The following SLC6A6 variants were observed in gnomAD, a reference collection of about 807,000 sequenced individuals.
SLC6A6 encodes the protein sodium- and chloride-dependent taurine transporter.
A neutral mutation model predicts 68.8 loss-of-function variants in SLC6A6; 16 were observed. That is an observed-to-expected ratio of 0.23 (90% confidence interval 0.16 to 0.35). SLC6A6 has a LOEUF of 0.35. SLC6A6 is among the 10% of genes least tolerant of loss of function. The pLI is 1.00. For missense variants in SLC6A6, 474 were observed against 802.8 expected (o/e 0.59, Z 4.95); for synonymous variants, 312 against 315.4 (o/e 0.99, Z 0.12).
chr3:14,470,124 T>C, intron 9 of SLC6A6, among the ~76,000 whole-genome samples: 1 of 152,170 alleles, frequency 6.6e-6, no homozygotes. Context: ...ATGGAGTGAA[T>C]TTGGCAATGG....
rs150087099 is a variant in SLC6A6 at position 14,470,221 on chromosome 3, T to A, written c.1097-1984T>A. On this transcript the variant is annotated intron_variant, in intron 9 of 14. Transcript: ENST00000622186. ...CACATATATTGTCAATCTCAGTTGTTTTTTCCTCCCGTCCACTTCAAACAC... is the reference window on the plus strand; with the variant it reads ...CACATATATTGTCAATCTCAGTTGTATTTTCCTCCCGTCCACTTCAAACAC... 2.1e-4 allele frequency among the ~76,000 whole-genome samples: 31 copies of A among 150,488 alleles called. No individual in the cohort carries two copies. In the East Asian group the frequency reaches 4.6e-3, roughly 22 times the overall value.
In SLC6A6 at chr3:14,488,881, T is replaced by C. The variant is rs1233681301; in HGVS notation, c.*3874T>C. Reference sequence around the variant, plus strand: ...CCGAGGGATGGAGCATCCTGTTATATATTTGACTTCAAATTGAGATGTTGG... The same window carrying C: ...CCGAGGGATGGAGCATCCTGTTATACATTTGACTTCAAATTGAGATGTTGG... On this transcript the variant is annotated 3_prime_UTR_variant, in exon 15 of 15. Transcript: ENST00000622186. 6.6e-6 allele frequency: 1 copy of C among 152,654 alleles called. No homozygotes were observed. The highest frequency in any genetic ancestry group is 6.5e-5 in the Admixed American group (1 of 15,286). The allele number at this position is 152,654 out of a possible 1,614,324, so 9.5% of individuals were successfully genotyped here.
At position 14,466,804 on chromosome 3, in the gene SLC6A6, G is replaced by A. The variant is rs566279073; in HGVS notation, c.867+154G>A. On this transcript the variant is annotated intron_variant, in intron 7 of 14. Transcript: ENST00000622186. The stretch of plus-strand genomic sequence containing the variant: ...CACCGCCCCCTGGTACTTTTCCACC[G>A]GGCCTGTGGCGGGTGTGCCTGTCCA... 2.6e-5 allele frequency among the ~76,000 whole-genome samples: 4 copies of A among 152,296 alleles called. 1 individual carries two copies. The highest frequency in any genetic ancestry group is 4.1e-4 in the South Asian group (2 of 4,828).
Position 14,468,183 on chromosome 3 carries a change from G to A in SLC6A6, c.1067G>A (p.Gly356Glu), listed in dbSNP as rs757420710. 1 of 1,613,980 alleles carries A rather than the reference G, an allele frequency of 6.2e-7. No individual in the cohort carries two copies. Among genetic ancestry groups the A allele is most frequent in the Non-Finnish European group, 8.5e-7 (1 of 1,180,002 alleles). The change falls in exon 9 of 15, where the codon GGG becomes GAG. Residue 356 changes from glycine to glutamate, a missense_variant. Coordinates refer to ENST00000622186, the MANE Select transcript of SLC6A6 (RefSeq NM_003043.6). This position sits in a 1 kb window ranked among gnomAD's most constrained non-coding sequence, Gnocchi z 4.5. Reference protein sequence around the residue: ...SILGFMAQEQGVDIADVAESG... With the variant: ...SILGFMAQEQEVDIADVAESG... ...CTGGGCTTCATGGCACAAGAGCAAG[G>A]GGTGGACATTGCTGATGTGGCTGAG... is the stretch of plus-strand genomic sequence containing the variant.
rs558953127 is a variant in SLC6A6, at chr3:14,450,809, A to G, written c.599+2993A>G. Among the ~76,000 whole-genome samples the G allele has an allele frequency of 2.0e-5, 3 of 152,356 alleles. No individual in the cohort carries two copies. In the South Asian group the frequency reaches 6.2e-4, roughly 32 times the overall value. On this transcript the variant is annotated intron_variant, in intron 5 of 14. Coordinates refer to ENST00000622186, the MANE Select transcript of SLC6A6 (RefSeq NM_003043.6). This position sits in a 1 kb window ranked among gnomAD's most constrained non-coding sequence, Gnocchi z 4.1. The stretch of plus-strand genomic sequence containing the variant: ...GAGCCTTCTCTTTTCTTGGCATGCA[A>G]TGGTGGAAAGGCAAGAGAACCAGTA...
At chr3:14,438,560 G>T (rs953349186) in intron 2 of SLC6A6, among the ~76,000 whole-genome samples, 1 of 152,204 alleles carries the variant, frequency 6.6e-6, no homozygotes, top group Non-Finnish European at 1.5e-5. Context: ...CCCACCTGTA[G>T]AATGGATGTC....
At chr3:14,436,518 TAAC>T (rs1038765641) in intron 2 of SLC6A6, among the ~76,000 whole-genome samples, 3 of 131,898 alleles carry the variant, frequency 2.3e-5, no homozygotes, top group East Asian at 2.6e-4. Flanking sequence ...ATAGCACTCT[TAAC>T]AACAACTCCC....
At chr3:14,469,818 C>T (rs1008132268) in intron 9 of SLC6A6, among the ~76,000 whole-genome samples, 3 of 152,154 alleles carry the variant, frequency 2.0e-5, no homozygotes, top group Non-Finnish European at 2.9e-5. Context: ...CCTGACAACA[C>T]TGCAGGACCC....
chr3:14,468,145 A>G lies in SLC6A6; in HGVS notation c.1029A>G (p.Ala343=), dbSNP rs778165720. The change falls in exon 9 of 15, where the codon GCA becomes GCG. Residue 343 remains alanine (A), a synonymous_variant. Coordinates refer to ENST00000622186, the MANE Select transcript of SLC6A6 (RefSeq NM_003043.6). The surrounding 1 kb of genome is among the most constrained non-coding windows in gnomAD (Gnocchi z 4.5). ...GTACCAGTTTTGTGTCTGGCTTCGC[A>G]ATTTTTTCCATCCTGGGCTTCATGG... ...NSGTSFVSGF[A]IFSILGFMAQ... The G allele has an allele frequency of 6.2e-7, 1 of 1,613,898 alleles. No homozygotes were observed. The highest frequency in any genetic ancestry group is 8.5e-7 in the Non-Finnish European group (1 of 1,180,018).
chr3:14,406,326 G>A (rs1699107263), intron 1 of SLC6A6, among the ~76,000 whole-genome samples: 1 of 152,126 alleles, frequency 6.6e-6, no homozygotes, highest in South Asian at 2.1e-4. Flanking sequence ...CTTGAATGCT[G>A]TGTAAGTGGG....
Position 14,416,298 on chromosome 3 carries a change from T to C in SLC6A6, c.-53-114T>C, listed in dbSNP as rs561617102. On this transcript the variant is annotated intron_variant, in intron 1 of 14. Coordinates refer to ENST00000622186, the MANE Select transcript of SLC6A6 (RefSeq NM_003043.6). ...CCTTCCAAGGGGTTTGGTCAGCCCC[T>C]CCCCAGCACACACGTCTGGTGGTTA... 11 of 397,286 alleles carry C rather than the reference T, an allele frequency of 2.8e-5. 1 individual carries two copies. The highest frequency in any genetic ancestry group is 6.3e-4 in the Middle Eastern group (1 of 1,582). The allele number at this position is 397,286 out of a possible 1,614,324, so 24.6% of individuals were successfully genotyped here. A position where few individuals can be genotyped will look rare whatever the true frequency, so the allele number is the denominator to read the frequency against.
At chr3:14,447,500 C>T in intron 4 of SLC6A6, 82 bp from the exon 5 acceptor site, 1 of 1,570,578 alleles carries the variant, frequency 6.4e-7, no homozygotes, top group Non-Finnish European at 8.7e-7. Context: ...CTGGGGATAC[C>T]ATGGCCTTCC....
At chr3:14,421,533 C>A (rs1299543746) in intron 2 of SLC6A6, among the ~76,000 whole-genome samples, 1 of 152,220 alleles carries the variant, frequency 6.6e-6, no homozygotes, top group East Asian at 1.9e-4. Context: ...TAGCTCAGAA[C>A]GGCACATAGC....
chr3:14,413,594 C>T (rs1699299721), intron 1 of SLC6A6, among the ~76,000 whole-genome samples: 1 of 152,174 alleles, frequency 6.6e-6, no homozygotes, highest in South Asian at 2.1e-4. Context: ...CTCATTTAGA[C>T]CTTGGGGGCA....
intron 2 of SLC6A6, among the ~76,000 whole-genome samples, chr3:14,428,385 A>C (rs1699649609): frequency 6.6e-6 from 1 of 152,236 alleles, no homozygotes; most frequent in African/African-American, 2.4e-5. Flanking sequence ...CAGGCTGCCC[A>C]TGAGTTGAGG....
At chr3:14,456,381 C>T (rs1446777570) in intron 5 of SLC6A6, among the ~76,000 whole-genome samples, 1 of 152,148 alleles carries the variant, frequency 6.6e-6, no homozygotes, top group Admixed American at 6.5e-5. Flanking sequence ...ACTTGCTGTC[C>T]TCCCAGTTGA....
chr3:14,462,600 G>A (rs1400608101), intron 6 of SLC6A6, among the ~76,000 whole-genome samples: 1 of 152,158 alleles, frequency 6.6e-6, no homozygotes, highest in African/African-American at 2.4e-5. Context: ...TCAGGAGGCT[G>A]AGGTAGGAGG....
chr3:14,462,573 C>T (rs989707216), intron 6 of SLC6A6, among the ~76,000 whole-genome samples: 1 of 152,128 alleles, frequency 6.6e-6, no homozygotes, highest in Admixed American at 6.5e-5. Context: ...GTGGCGCGTA[C>T]CTGTAGTCCC....
Position 14,451,696 on chromosome 3 carries a change from C to T in SLC6A6, c.599+3880C>T, listed in dbSNP as rs146891626. Among the ~76,000 whole-genome samples the T allele has an allele frequency of 5.3e-3, 806 of 152,260 alleles. 6 individuals are homozygous for T. The highest frequency in any genetic ancestry group is 7.7e-3 in the Non-Finnish European group (526 of 68,014). ...ATGTATGCTGAGCACTGACTGTATA[C>T]GGGGCCTCGGAGACCTCAGCCTTCA... On this transcript the variant is annotated intron_variant, in intron 5 of 14. Transcript: ENST00000622186.
Sources: allele counts gnomAD v4.1 joint callset (sites outside exome capture counted in the v4.1 genomes callset), GRCh38; gene constraint gnomAD v4.1.1; non-coding constraint Gnocchi (gnomAD v3.1); transcripts MANE v1.5; gene names NCBI Gene and HGNC (gene_info 2026-07-23, HGNC 2026-07-21).